KDM3A: variants seen among roughly 807,000 people sequenced by gnomAD.
KDM3A encodes the protein lysine-specific demethylase 3A.
KDM3A carries 60 observed loss-of-function variants against 158.0 expected under a neutral mutation model. The ratio of observed to expected loss-of-function variants is 0.38; its 90% confidence interval spans 0.31 to 0.47. KDM3A has a LOEUF of 0.47. Ranked by LOEUF, KDM3A falls within the 20% of genes least tolerant of loss-of-function variation. The pLI is 0.99. For synonymous variants in KDM3A, 608 were observed against 549.3 expected, an observed-to-expected ratio of 1.11 and a Z score of -1.49; for missense variants, 1,319 against 1,574.3, an observed-to-expected ratio of 0.84 and a Z score of 2.74.
chr2:86,443,128 C>T (rs2104616263), intron 2 of KDM3A: 1 of 152,302 alleles, frequency 6.6e-6, no homozygotes, highest in African/African-American at 2.4e-5. Context: ...AAAAAAGGTT[C>T]CTAACAAAGA....
At chr2:86,484,704 C>G in intron 19 of KDM3A, 1 of 437,332 alleles carries the variant, frequency 2.3e-6, no homozygotes. Context: ...TTTGCTGCAC[C>G]TTGCTGCCTC....
At position 86,466,810 on chromosome 2, in the gene KDM3A, GA is replaced by G; in HGVS notation, c.1448del (p.Asn483IlefsTer2). On this transcript the variant is annotated frameshift_variant, in exon 10 of 26. Coordinates refer to ENST00000312912, the MANE Select transcript of KDM3A (RefSeq NM_018433.6). LOFTEE classifies it high-confidence loss of function. ...EPSALACRSQ[N>X]LKESSVKVDN... ...CTTCAGCTTTAGCTTGCCGATCACA[GA>G]ATTTAAAGGAATCTTCAGTAAAAGT... The G allele has an allele frequency of 1.2e-6, 2 of 1,612,966 alleles. No individual in the cohort carries two copies. Among genetic ancestry groups the G allele is most frequent in the Non-Finnish European group, 8.5e-7 (1 of 1,179,446 alleles).
intron 12 of KDM3A, among the ~76,000 whole-genome samples, chr2:86,476,552 G>A (rs957734298): frequency 2.6e-5 from 4 of 151,638 alleles, no homozygotes; most frequent in African/African-American, 9.8e-5. Flanking sequence ...ACCCAGAAGA[G>A]TTTACCTCTG....
intron 4 of KDM3A, among the ~76,000 whole-genome samples, chr2:86,454,789 T>C (rs1040722252): frequency 7.2e-5 from 11 of 152,226 alleles, no homozygotes; most frequent in Non-Finnish European, 1.5e-4. Context: ...GCTTACTTTT[T>C]TCCCATTGCC....
intron 8 of KDM3A, among the ~76,000 whole-genome samples, chr2:86,458,159 T>TC (rs1490551758): frequency 2.6e-5 from 4 of 152,140 alleles, no homozygotes; most frequent in African/African-American, 9.7e-5. Flanking sequence ...GGTTTCTTGA[T>TC]TAAGGGCAGA....
chr2:86,482,599 C>T lies in KDM3A; in HGVS notation c.2827C>T (p.His943Tyr), dbSNP rs760827694. 7.4e-6 allele frequency: 12 copies of T among 1,613,846 alleles called. No homozygotes were observed. The highest frequency in any genetic ancestry group is 1.0e-5 in the Non-Finnish European group (12 of 1,179,852). Residue 943 changes from histidine (H) to tyrosine (Y), a missense_variant, in exon 18 of 26, where the codon CAC becomes TAC. This residue lies in a region of KDM3A where 368 missense variants were observed against 415.8 expected (regional missense o/e 0.89). Coordinates refer to ENST00000312912, the MANE Select transcript of KDM3A (RefSeq NM_018433.6). ...CAGCATTCTGGGCTTTGACACTCCT[C>T]ACTATTGGCTTTGTGATAATCGCTT... ...KPSILGFDTP[H>Y]YWLCDNRLLC...
chr2:86,460,190 TCTC>T (rs1475871999), intron 8 of KDM3A, among the ~76,000 whole-genome samples: 1 of 152,178 alleles, frequency 6.6e-6, no homozygotes, highest in Non-Finnish European at 1.5e-5. Context: ...TTCTGTCTCT[TCTC>T]CCCCTGTATT....
chr2:86,450,221 T>C (rs569701081), intron 3 of KDM3A, among the ~76,000 whole-genome samples: 3 of 152,334 alleles, frequency 2.0e-5, no homozygotes, highest in Non-Finnish European at 2.9e-5. Flanking sequence ...TGCAAACATA[T>C]AGATCTGTTT....
chr2:86,438,431 C>T (rs1366145544), upstream of KDM3A, among the ~76,000 whole-genome samples: 1 of 152,118 alleles, frequency 6.6e-6, no homozygotes, highest in Admixed American at 6.5e-5. Context: ...TAATGTACAT[C>T]ATGGTGACTA....
At chr2:86,465,440 G>C (rs368445963) in intron 9 of KDM3A, among the ~76,000 whole-genome samples, 138 of 152,234 alleles carry the variant, frequency 9.1e-4, no homozygotes, top group African/African-American at 3.1e-3. Context: ...CTGTTGCCCA[G>C]GAGGGAGTGC....
intron 4 of KDM3A, 148 bp downstream of exon 4, chr2:86,451,361 C>G (rs1193217456): frequency 2.0e-6 from 1 of 511,580 alleles, no homozygotes. Flanking sequence ...AACTTTGATT[C>G]CCTCCAAACT....
chr2:86,485,064 C>A, intron 20 of KDM3A, 35 bp downstream of exon 20: 2 of 1,166,592 alleles, frequency 1.7e-6, no homozygotes, highest in Non-Finnish European at 2.6e-6. Context: ...ATGATTCTGT[C>A]CTTCACTTGG....
chr2:86,438,748 T>A (rs948028335), upstream of KDM3A, among the ~76,000 whole-genome samples: 3 of 152,062 alleles, frequency 2.0e-5, no homozygotes, highest in Non-Finnish European at 4.4e-5. Flanking sequence ...CTAATACCAG[T>A]AACCATTACT....
At chr2:86,485,918 A>G in intron 21 of KDM3A, 59 bp downstream of exon 21, 1 of 1,575,106 alleles carries the variant, frequency 6.3e-7, no homozygotes, top group African/African-American at 1.3e-5. Context: ...TGTTTGGAAA[A>G]TTGATTTTGT....
intron 4 of KDM3A, among the ~76,000 whole-genome samples, chr2:86,452,374 G>A (rs1480228409): frequency 1.3e-5 from 2 of 152,078 alleles, no homozygotes; most frequent in East Asian, 1.9e-4. Context: ...TAAATAAGAT[G>A]TCTTTCAACA....
In KDM3A at chr2:86,451,185, T is replaced by C; in HGVS notation, c.425T>C (p.Leu142Pro). The C allele has an allele frequency of 6.2e-7, 1 of 1,610,372 alleles. No homozygotes were observed. Among genetic ancestry groups the C allele is most frequent in the Non-Finnish European group, 8.5e-7 (1 of 1,178,546 alleles). The change falls in exon 4 of 26, where the codon CTT becomes CCT. Residue 142 changes from leucine to proline, a missense_variant. By Grantham distance (98) the Leu-to-Pro change is moderately conservative. Around this residue, in one of 4 missense-constraint regions of KDM3A, gnomAD observed 652 missense variants for 627.2 expected, o/e 1.04. Coordinates refer to ENST00000312912, the MANE Select transcript of KDM3A (RefSeq NM_018433.6). Reference sequence around the variant, plus strand: ...CTGGGAGATCAACAAAGAGTATTTCTTTCTAAAGACCTTTTGAAGCCTATA... The same window carrying C: ...CTGGGAGATCAACAAAGAGTATTTCCTTCTAAAGACCTTTTGAAGCCTATA... ...RFLGDQQRVF[L>P]SKDLLKPIQD...
chr2:86,475,110 T>C (rs544020658), intron 12 of KDM3A, 120 bp downstream of exon 12: 5 of 794,360 alleles, frequency 6.3e-6, no homozygotes, highest in African/African-American at 1.7e-5. Context: ...AACTTTGGTA[T>C]AATGAGGTTG....
intron 19 of KDM3A, 125 bp from the exon 20 acceptor site, chr2:86,484,817 G>C: frequency 1.8e-6 from 1 of 563,716 alleles, no homozygotes; most frequent in Non-Finnish European, 3.2e-6. Flanking sequence ...AAATTTATCA[G>C]GTTATGAAAA....
intron 4 of KDM3A, among the ~76,000 whole-genome samples, chr2:86,453,610 A>G (rs1558607769): frequency 1.3e-5 from 2 of 152,174 alleles, no homozygotes; most frequent in Non-Finnish European, 2.9e-5. Flanking sequence ...TTCCATTGAT[A>G]CATACTTTCA....
Sources: allele counts gnomAD v4.1 joint callset (sites outside exome capture counted in the v4.1 genomes callset), GRCh38; gene constraint gnomAD v4.1.1; regional missense constraint gnomAD v4.1.1; transcripts MANE v1.5; gene names NCBI Gene and HGNC (gene_info 2026-07-23, HGNC 2026-07-21).